Variants in RAB11FIP3 observed in about 807,000 individuals in gnomAD.
RAB11FIP3 encodes the protein RAB11 family interacting protein 3.
Under a neutral mutation model 77.8 loss-of-function variants are expected in RAB11FIP3, and 17 were observed. The observed-to-expected ratio is 0.22, with a 90% CI of 0.15 to 0.33. The LOEUF (loss-of-function observed/expected upper bound fraction) is 0.33. Ranked by LOEUF, RAB11FIP3 falls within the 10% of genes least tolerant of loss-of-function variation. RAB11FIP3 has a pLI of 1.00. For synonymous variants in RAB11FIP3, 437 were observed against 448.2 expected, an observed-to-expected ratio of 0.98 and a Z score of 0.31; for missense variants, 1,005 against 1,011.2, an observed-to-expected ratio of 0.99 and a Z score of 0.08.
rs750892191 is a variant in RAB11FIP3, at chr16:503,043, G to A, written c.1341G>A (p.Leu447=). The part of the protein sequence containing the change: ...HQSGALTMEA[L]EDPSPELMEG... ...CAGGGGCCCTGACCATGGAGGCCCT[G>A]GAGGACCCTTCCCCCGAGCTCATGG... The change falls in exon 7 of 14, where the codon CTG becomes CTA. Residue 447 remains leucine (L), a synonymous_variant. Transcript: ENST00000262305. 1.9e-6 allele frequency: 3 copies of A among 1,613,274 alleles called. No homozygotes were observed. Among genetic ancestry groups the A allele is most frequent in the East Asian group, 2.2e-5 (1 of 44,874 alleles).
At chr16:485,341 T>C (rs1034305678) in intron 4 of RAB11FIP3, among the ~76,000 whole-genome samples, 1 of 152,218 alleles carries the variant, frequency 6.6e-6, no homozygotes, top group African/African-American at 2.4e-5. Context: ...GAGTCCCTTA[T>C]GGGGTGTGGG....
In RAB11FIP3 at chr16:521,067, A is replaced by G. The variant is rs2032664904; in HGVS notation, c.*228A>G. Reference sequence around the variant, plus strand: ...GGAAGTCCCAGGGCCCGGGGTCCACAGAGGATGAGGGTTGTGGCAGGGCCG... The same window carrying G: ...GGAAGTCCCAGGGCCCGGGGTCCACGGAGGATGAGGGTTGTGGCAGGGCCG... On this transcript the variant is annotated 3_prime_UTR_variant, in exon 14 of 14. Transcript: ENST00000262305. The G allele has an allele frequency of 8.5e-6, 5 of 586,328 alleles. No individual in the cohort carries two copies. The South Asian group carries it at 1.0e-4, about 12-fold the overall frequency. The allele number at this position is 586,328 out of a possible 1,614,324, so 36.3% of individuals were successfully genotyped here.
chr16:441,021 A>C (rs1005733166), intron 1 of RAB11FIP3, among the ~76,000 whole-genome samples: 3 of 151,688 alleles, frequency 2.0e-5, no homozygotes. Flanking sequence ...GCTCACTGCA[A>C]CCTCCAGCTC....
At chr16:440,987 G>C (rs1467417592) in intron 1 of RAB11FIP3, among the ~76,000 whole-genome samples, 1 of 151,912 alleles carries the variant, frequency 6.6e-6, no homozygotes, top group Admixed American at 6.6e-5. Context: ...GTCGCCCAGG[G>C]TGGAGTGCAT....
chr16:505,613 G>A lies in RAB11FIP3; in HGVS notation c.1485G>A (p.Leu495=). The A allele has an allele frequency of 6.3e-7, 1 of 1,598,786 alleles. No individual in the cohort carries two copies. Among genetic ancestry groups the A allele is most frequent in the Non-Finnish European group, 8.5e-7 (1 of 1,178,426 alleles). Residue 495 remains leucine (L), a synonymous_variant, in exon 8 of 14, where the codon CTG becomes CTA. Transcript: ENST00000262305. The surrounding 1 kb of genome is among the most constrained non-coding windows in gnomAD (Gnocchi z 4.0). ...ACAGCCGCCTGAGGCAGGAGAACCT[G>A]CAGCTGGTGCACAGGTGAGCCTGGG... The part of the protein sequence containing the change: ...EQHSRLRQEN[L]QLVHRANALE...
At chr16:490,435 C>T (rs1283126992) in intron 5 of RAB11FIP3, among the ~76,000 whole-genome samples, 1 of 152,152 alleles carries the variant, frequency 6.6e-6, no homozygotes, top group Non-Finnish European at 1.5e-5. Flanking sequence ...AATCATGGCT[C>T]ACTGCAGCCT....
At chr16:500,270 C>T (rs529390805) in intron 6 of RAB11FIP3, among the ~76,000 whole-genome samples, 7 of 152,370 alleles carry the variant, frequency 4.6e-5, no homozygotes, top group Admixed American at 3.3e-4. Flanking sequence ...ACCAGCCAGG[C>T]TCGACCTACT....
intron 9 of RAB11FIP3, among the ~76,000 whole-genome samples, chr16:515,702 G>T (rs900404486): frequency 9.9e-5 from 15 of 151,918 alleles, no homozygotes; most frequent in Non-Finnish European, 1.9e-4. Context: ...ACGCACCGGT[G>T]TTTGCATCTC....
At chr16:433,264 C>G (rs2141843896) in intron 1 of RAB11FIP3, among the ~76,000 whole-genome samples, 1 of 136,356 alleles carries the variant, frequency 7.3e-6, no homozygotes, top group South Asian at 2.8e-4. Context: ...AACTCCTGAC[C>G]TGGTGATCCG....
intron 1 of RAB11FIP3, among the ~76,000 whole-genome samples, chr16:450,724 G>A (rs1313164487): frequency 6.6e-6 from 1 of 152,162 alleles, no homozygotes; most frequent in Non-Finnish European, 1.5e-5. Context: ...AAAGCAAGGT[G>A]GGAATGGAGT....
intron 3 of RAB11FIP3, among the ~76,000 whole-genome samples, chr16:478,339 C>T (rs1187512657): frequency 2.6e-5 from 4 of 151,950 alleles, no homozygotes; most frequent in Admixed American, 6.6e-5. Context: ...ACTGCAGGCA[C>T]GTGCCACCAC....
intron 1 of RAB11FIP3, among the ~76,000 whole-genome samples, chr16:445,694 GAA>G (rs1179744099): frequency 6.6e-6 from 1 of 151,970 alleles, no homozygotes; most frequent in African/African-American, 2.4e-5. Context: ...ACTGTGGAGA[GAA>G]AGGTTCTGCC....
chr16:485,556 G>C (rs541684627), intron 4 of RAB11FIP3, among the ~76,000 whole-genome samples: 1 of 152,228 alleles, frequency 6.6e-6, no homozygotes, highest in East Asian at 1.9e-4. Flanking sequence ...GGGATTACAG[G>C]CACCTGCCAT....
In RAB11FIP3 at chr16:471,166, C is replaced by T. The variant is rs776318850; in HGVS notation, c.809-129C>T. On this transcript the variant is annotated intron_variant, in intron 2 of 13. Coordinates refer to ENST00000262305, the MANE Select transcript of RAB11FIP3 (RefSeq NM_014700.4). The surrounding 1 kb of genome is among the most constrained non-coding windows in gnomAD (Gnocchi z 4.4). ...TCACTCCCTTGCTTGTCTTGACCCCCCCCAGGGCCCCCAACTCCCACACAT... is the reference window on the plus strand; with the variant it reads ...TCACTCCCTTGCTTGTCTTGACCCCTCCCAGGGCCCCCAACTCCCACACAT... The T allele has an allele frequency of 1.8e-4, 128 of 727,534 alleles. No homozygotes were observed. The highest frequency in any genetic ancestry group is 2.9e-4 in the Non-Finnish European group (122 of 423,482). The allele number at this position is 727,534 out of a possible 1,614,324, so 45.1% of individuals were successfully genotyped here. A position where few individuals can be genotyped will look rare whatever the true frequency, so the allele number is the denominator to read the frequency against.
At chr16:493,800 T>A (rs1419010053) in intron 5 of RAB11FIP3, among the ~76,000 whole-genome samples, 1 of 143,990 alleles carries the variant, frequency 6.9e-6, no homozygotes, top group East Asian at 2.1e-4. Flanking sequence ...AGACACGGGG[T>A]TTCACCATGT....
At chr16:495,119 A>G (rs1050855965) in intron 5 of RAB11FIP3, among the ~76,000 whole-genome samples, 2 of 152,174 alleles carry the variant, frequency 1.3e-5, no homozygotes, top group Non-Finnish European at 2.9e-5. Context: ...AAGAAAAGAT[A>G]ATGCAAACAA....
intron 8 of RAB11FIP3, among the ~76,000 whole-genome samples, chr16:509,834 G>A (rs2141879328): frequency 1.3e-5 from 2 of 152,282 alleles, no homozygotes; most frequent in South Asian, 4.1e-4. Flanking sequence ...TGGCTCCCAT[G>A]TGGACCTGGC....
rs540701430 is a variant in RAB11FIP3, at chr16:505,968, A to T, written c.1499+341A>T. The stretch of plus-strand genomic sequence containing the variant: ...TGCTCAGCCTCACCAGCAGGCCTGG[A>T]GGTGCAGCTCTCCCACCACTCTGGT... On this transcript the variant is annotated intron_variant, in intron 8 of 13. Coordinates refer to ENST00000262305, the MANE Select transcript of RAB11FIP3 (RefSeq NM_014700.4). The surrounding 1 kb of genome is among the most constrained non-coding windows in gnomAD (Gnocchi z 4.0). Among the ~76,000 whole-genome samples the T allele has an allele frequency of 6.6e-6, 1 of 152,318 alleles. No individual in the cohort carries two copies. Among genetic ancestry groups the T allele is most frequent in the Admixed American group, 6.5e-5 (1 of 15,298 alleles).
At chr16:475,115 G>C in intron 3 of RAB11FIP3, 1 of 1,547,222 alleles carries the variant, frequency 6.5e-7, no homozygotes, top group South Asian at 1.2e-5. Context: ...GGAGGCAGTA[G>C]TGTGCACTGT....
Sources: gnomAD v4.1 joint callset for allele counts (sites outside exome capture counted in the v4.1 genomes callset) on GRCh38, gnomAD v4.1.1 for gene constraint, Gnocchi (gnomAD v3.1) non-coding constraint, MANE v1.5 for transcripts, NCBI Gene and HGNC (gene_info 2026-07-23, HGNC 2026-07-21) for gene names.